KDM4B: variants seen among roughly 807,000 people sequenced by gnomAD.
The protein encoded by KDM4B is lysine demethylase 4B.
Under a neutral mutation model 125.2 loss-of-function variants are expected in KDM4B, and 32 were observed. The observed-to-expected ratio is 0.26, with a 90% CI of 0.19 to 0.34. KDM4B has a LOEUF of 0.34. KDM4B is among the 10% of genes least tolerant of loss of function. The pLI is 1.00. For missense variants in KDM4B, 1,190 were observed against 1,577.7 expected, an observed-to-expected ratio of 0.75 and a Z score of 4.16; for synonymous variants, 721 against 677.9, an observed-to-expected ratio of 1.06 and a Z score of -0.99.
chr19:5,139,875 G>C (rs917885043), intron 18 of KDM4B, among the ~76,000 whole-genome samples: 21 of 152,246 alleles, frequency 1.4e-4, no homozygotes, highest in African/African-American at 4.8e-4. Flanking sequence ...GGGCCTCATC[G>C]TGGGGGCTTG....
chr19:5,072,744 C>T (rs150857538), intron 7 of KDM4B, among the ~76,000 whole-genome samples: 2 of 152,354 alleles, frequency 1.3e-5, no homozygotes, highest in African/African-American at 4.8e-5. Context: ...TATTCTCTCA[C>T]CGTTCTGGAG....
At chr19:5,119,055 C>A in intron 10 of KDM4B, 1 of 1,031,550 alleles carries the variant, frequency 9.7e-7, no homozygotes, top group Admixed American at 2.1e-5. Context: ...GTGGCCAGGA[C>A]CAGGCGTCCT....
chr19:4,976,514 T>G (rs1279327164), intron 1 of KDM4B, among the ~76,000 whole-genome samples: 1 of 152,212 alleles, frequency 6.6e-6, no homozygotes, highest in Non-Finnish European at 1.5e-5. Flanking sequence ...AGGAGTTCAG[T>G]GTGACCTGGC....
chr19:5,005,651 T>G (rs1415308583), intron 1 of KDM4B, among the ~76,000 whole-genome samples: 1 of 152,180 alleles, frequency 6.6e-6, no homozygotes, highest in African/African-American at 2.4e-5. Context: ...TTGAAACACC[T>G]TTTCTTTCTG....
rs2036504543 is a variant in KDM4B at position 5,032,913 on chromosome 19, C to T, written c.23C>T (p.Ala8Val). The part of the protein sequence containing the change: MGSEDHG[A>V]QNPSCKIMTF... ...GCCATGGGGTCTGAGGACCACGGCGCCCAGAACCCCAGCTGTAAAATCATG... is the reference window on the plus strand; with the variant it reads ...GCCATGGGGTCTGAGGACCACGGCGTCCAGAACCCCAGCTGTAAAATCATG... Residue 8 changes from alanine to valine, a missense_variant, in exon 3 of 23, where the codon GCC becomes GTC. Around this residue, in one of 7 missense-constraint regions of KDM4B, gnomAD observed 139 missense variants for 248.3 expected, o/e 0.56. Transcript: ENST00000159111. 6.2e-7 allele frequency: 1 copy of T among 1,614,020 alleles called. No individual in the cohort carries two copies. The highest frequency in any genetic ancestry group is 8.5e-7 in the Non-Finnish European group (1 of 1,180,038).
At chr19:5,049,263 C>T (rs969636885) in intron 6 of KDM4B, among the ~76,000 whole-genome samples, 2 of 152,102 alleles carry the variant, frequency 1.3e-5, no homozygotes, top group Non-Finnish European at 2.9e-5. Context: ...GAGGGCATCC[C>T]GCACCTCTCC....
At chr19:5,049,019 C>T (rs1449657461) in intron 6 of KDM4B, among the ~76,000 whole-genome samples, 2 of 152,144 alleles carry the variant, frequency 1.3e-5, no homozygotes, top group Non-Finnish European at 2.9e-5. Context: ...CCGGGGGTTG[C>T]TGGCTGTCGT....
chr19:4,976,061 C>T (rs1006302544), intron 1 of KDM4B, among the ~76,000 whole-genome samples: 2 of 151,178 alleles, frequency 1.3e-5, no homozygotes, highest in African/African-American at 2.4e-5. Flanking sequence ...ACCATCCTGA[C>T]CAATATGGAG....
At chr19:5,137,367 G>C in intron 16 of KDM4B, 29 bp downstream of exon 16, 1 of 1,541,460 alleles carries the variant, frequency 6.5e-7, no homozygotes, top group Non-Finnish European at 8.8e-7. Context: ...CGGGGGTGGT[G>C]CTCTGAGAGG....
Position 5,131,093 on chromosome 19 carries a change from C to T in KDM4B, c.1333C>T (p.Leu445=). 2.0e-6 allele frequency: 3 copies of T among 1,512,824 alleles called. No homozygotes were observed. Among genetic ancestry groups the T allele is most frequent in the Non-Finnish European group, 2.7e-6 (3 of 1,130,334 alleles). 93.7% of individuals were successfully genotyped at this position (1,512,824 alleles called of 1,614,324 possible). A position where few individuals can be genotyped will look rare whatever the true frequency, so the allele number is the denominator to read the frequency against. ...TCCCACAGAGGACGGGAGGGGCAAG[C>T]TGCGGCCAACCAAGGCCAAGAGCGA... ...EGAEEDGRGK[L]RPTKAKSERK... The change falls in exon 12 of 23, where the codon CTG becomes TTG. Residue 445 remains leucine, a synonymous_variant. Coordinates refer to ENST00000159111, the MANE Select transcript of KDM4B (RefSeq NM_015015.3).
At chr19:5,041,403 T>C (rs1460914675) in intron 5 of KDM4B, 152 bp downstream of exon 5, 17 of 572,702 alleles carry the variant, frequency 3.0e-5, no homozygotes, top group Non-Finnish European at 5.3e-5. Flanking sequence ...CCTCGCCCTG[T>C]GGTGACGAAA....
chr19:5,080,872 A>T (rs1376053735), intron 8 of KDM4B: 2 of 152,248 alleles, frequency 1.3e-5, no homozygotes, highest in Non-Finnish European at 2.9e-5. Flanking sequence ...AGAAATGAAA[A>T]GGAGCGGTCG....
intron 11 of KDM4B, among the ~76,000 whole-genome samples, chr19:5,122,747 G>A (rs1412022258): frequency 6.6e-6 from 1 of 152,194 alleles, no homozygotes; most frequent in Non-Finnish European, 1.5e-5. Flanking sequence ...CAAGGAAGAG[G>A]GCACCAGAAG....
chr19:5,105,206 C>T (rs545162244), intron 9 of KDM4B, among the ~76,000 whole-genome samples: 100 of 152,330 alleles, frequency 6.6e-4, no homozygotes, highest in African/African-American at 1.9e-3. Flanking sequence ...TGCCTGGAGC[C>T]GGACTGCTTC....
At chr19:5,042,513 AAAG>A (rs1189968694) in intron 5 of KDM4B, among the ~76,000 whole-genome samples, 4 of 152,190 alleles carry the variant, frequency 2.6e-5, no homozygotes, top group Middle Eastern at 3.4e-3. Flanking sequence ...AAAAAAAAAA[AAAG>A]AAGGAAACAA....
At chr19:5,095,311 C>T (rs1479893838) in intron 9 of KDM4B, among the ~76,000 whole-genome samples, 1 of 152,198 alleles carries the variant, frequency 6.6e-6, no homozygotes, top group Non-Finnish European at 1.5e-5. Flanking sequence ...ATGATTTTAT[C>T]GGACCACATA....
At chr19:4,995,913 C>T (rs1032216299) in intron 1 of KDM4B, among the ~76,000 whole-genome samples, 5 of 152,248 alleles carry the variant, frequency 3.3e-5, no homozygotes, top group African/African-American at 1.2e-4. Context: ...TTCTCAGTGG[C>T]TCTGCAGTCC....
At position 5,114,243 on chromosome 19, in the gene KDM4B, T is replaced by C; in HGVS notation, c.1115+3425T>C. ...GCAGGTACGCGCTCCCTGCAGGACA[T>C]CTGTGCACCCGCCTCACCACAGCCT... is the stretch of plus-strand genomic sequence containing the variant. On this transcript the variant is annotated intron_variant, in intron 10 of 22. Coordinates refer to ENST00000159111, the MANE Select transcript of KDM4B (RefSeq NM_015015.3). The surrounding 1 kb of genome is among the most constrained non-coding windows in gnomAD (Gnocchi z 5.8). The C allele has an allele frequency of 7.8e-7, 1 of 1,288,384 alleles. No homozygotes were observed. Among genetic ancestry groups the C allele is most frequent in the Non-Finnish European group, 1.0e-6 (1 of 987,726 alleles). The allele number at this position is 1,288,384 out of a possible 1,614,324, so 79.8% of individuals were successfully genotyped here. A position where few individuals can be genotyped will look rare whatever the true frequency, so the allele number is the denominator to read the frequency against.
chr19:4,977,210 T>C (rs1435213549), intron 1 of KDM4B, among the ~76,000 whole-genome samples: 1 of 152,178 alleles, frequency 6.6e-6, no homozygotes, highest in Non-Finnish European at 1.5e-5. Flanking sequence ...TGTGCCTCTT[T>C]GGCGGTGGCC....
Sources: allele counts gnomAD v4.1 joint callset (sites outside exome capture counted in the v4.1 genomes callset), GRCh38; gene constraint gnomAD v4.1.1; regional missense constraint gnomAD v4.1.1; non-coding constraint Gnocchi (gnomAD v3.1); transcripts MANE v1.5; gene names NCBI Gene and HGNC (gene_info 2026-07-23, HGNC 2026-07-21).